SP100: variants seen among roughly 807,000 people sequenced by gnomAD.
SP100 encodes nuclear autoantigen Sp-100.
SP100 carries 84 observed loss-of-function variants against 130.0 expected under a neutral mutation model. The observed-to-expected ratio is 0.65, with a 90% CI of 0.54 to 0.77. The LOEUF (loss-of-function observed/expected upper bound fraction) is 0.77. Among genes scored for constraint, SP100 ranks in the 30% least tolerant of loss-of-function variants. The pLI, the probability that SP100 is intolerant of heterozygous loss-of-function variation, is 0.00. For missense variants in SP100, 978 were observed against 1,052.2 expected, an observed-to-expected ratio of 0.93 and a Z score of 0.97; for synonymous variants, 331 against 351.7, an observed-to-expected ratio of 0.94 and a Z score of 0.66.
At chr2:230,440,004 G>A (rs2063419931) in intron 2 of SP100, among the ~76,000 whole-genome samples, 1 of 152,016 alleles carries the variant, frequency 6.6e-6, no homozygotes, top group Admixed American at 6.6e-5. Flanking sequence ...TTTTCGAAAG[G>A]AAAGAAGGAA....
chr2:230,511,425 C>T (rs1164465482), intron 24 of SP100, among the ~76,000 whole-genome samples: 3 of 152,088 alleles, frequency 2.0e-5, no homozygotes, highest in Non-Finnish European at 2.9e-5. Context: ...TCTAGATCAC[C>T]GAGGCCTCCA....
At chr2:230,471,864 G>A (rs1484084098) in intron 15 of SP100, among the ~76,000 whole-genome samples, 1 of 152,160 alleles carries the variant, frequency 6.6e-6, no homozygotes, top group African/African-American at 2.4e-5. Context: ...AAATATTCCA[G>A]GTAGGGGAAT....
intron 2 of SP100, among the ~76,000 whole-genome samples, chr2:230,441,212 C>G (rs1421124979): frequency 6.6e-6 from 1 of 152,114 alleles, no homozygotes; most frequent in East Asian, 1.9e-4. Flanking sequence ...TGAAAATGTG[C>G]TTGACATCAT....
chr2:230,436,354 T>C (rs2063266446), intron 2 of SP100, among the ~76,000 whole-genome samples: 1 of 152,208 alleles, frequency 6.6e-6, no homozygotes, highest in Non-Finnish European at 1.5e-5. Flanking sequence ...AAATCTCATC[T>C]TGAATTGTAA....
chr2:230,416,987 T>G (rs1471856264), intron 1 of SP100: 4 of 570,198 alleles, frequency 7.0e-6, no homozygotes, highest in Non-Finnish European at 8.9e-6. Context: ...TCTCTAGTAG[T>G]GAGTTGAGAA....
intron 8 of SP100, among the ~76,000 whole-genome samples, chr2:230,457,035 C>T (rs2064309144): frequency 6.6e-6 from 1 of 152,212 alleles, no homozygotes; most frequent in Non-Finnish European, 1.5e-5. Context: ...AGAAACTATT[C>T]TAGTCTTTGC....
chr2:230,541,043 G>A, intron 26 of SP100, 47 bp downstream of exon 26: 2 of 1,578,962 alleles, frequency 1.3e-6, no homozygotes, highest in Non-Finnish European at 1.7e-6. Context: ...TGTTCACCTG[G>A]GCAGGAGAAG....
At chr2:230,510,215 T>C (rs1344166347) in intron 23 of SP100, 1 of 152,636 alleles carries the variant, frequency 6.6e-6, no homozygotes, top group Non-Finnish European at 1.5e-5. Flanking sequence ...ATTCCACAGA[T>C]ACCCTAGGTC....
chr2:230,487,787 T>C (rs2066184304), intron 17 of SP100, among the ~76,000 whole-genome samples: 1 of 152,238 alleles, frequency 6.6e-6, no homozygotes. Flanking sequence ...GTATGGCCAT[T>C]TTCATGATAT....
intron 3 of SP100, 150 bp downstream of exon 3, chr2:230,443,249 C>A: frequency 1.4e-6 from 1 of 699,522 alleles, no homozygotes; most frequent in Non-Finnish European, 2.4e-6. Context: ...TGTAAGTGCT[C>A]CTGTAAAGTA....
chr2:230,420,991 C>T (rs903022883), intron 2 of SP100, among the ~76,000 whole-genome samples: 1 of 152,178 alleles, frequency 6.6e-6, no homozygotes, highest in Non-Finnish European at 1.5e-5. Flanking sequence ...TTTTCATTCC[C>T]TGTCCATTCT....
rs2065197133 is a variant in SP100 at position 230,470,196 on chromosome 2, A to G, written c.1429+98A>G. The G allele has an allele frequency of 2.7e-6, 4 of 1,497,430 alleles. 1 individual carries two copies. Among genetic ancestry groups the G allele is most frequent in the Non-Finnish European group, 3.6e-6 (4 of 1,121,160 alleles). The allele number at this position is 1,497,430 out of a possible 1,614,324, so 92.8% of individuals were successfully genotyped here. On this transcript the variant is annotated intron_variant, in intron 15 of 28. Transcript: ENST00000340126. ...GACGCTTTTTATTCTGAGCACCTTCACTACCTTGTATCCAGTTCATCTGGG... is the reference window on the plus strand; with the variant it reads ...GACGCTTTTTATTCTGAGCACCTTCGCTACCTTGTATCCAGTTCATCTGGG...
rs759424331 is a variant in SP100, at chr2:230,539,307, G to C, written c.2135G>C (p.Gly712Ala). The change falls in exon 25 of 29, where the codon GGA becomes GCA. Residue 712 changes from glycine (G) to alanine (A), a missense_variant. Gly to Ala is a moderately conservative substitution (Grantham distance 60, BLOSUM62 0). Transcript: ENST00000340126. ...ATATGTGAGGTGTGCAACAAATGGG[G>C]ACGGCTGTTCTGCTGCGACACTTGT... ...SNICEVCNKW[G>A]RLFCCDTCPR... 6.2e-7 allele frequency: 1 copy of C among 1,614,006 alleles called. No individual in the cohort carries two copies. Among genetic ancestry groups the C allele is most frequent in the South Asian group, 1.1e-5 (1 of 91,078 alleles).
chr2:230,452,777 G>A (rs1271245034), intron 8 of SP100, among the ~76,000 whole-genome samples: 1 of 142,330 alleles, frequency 7.0e-6, no homozygotes, highest in Non-Finnish European at 1.5e-5. Flanking sequence ...TGTTGCGTTT[G>A]TATCCTGCCA....
chr2:230,427,193 AC>A (rs1222141704), intron 2 of SP100, among the ~76,000 whole-genome samples: 1 of 150,886 alleles, frequency 6.6e-6, no homozygotes, highest in African/African-American at 2.4e-5. Flanking sequence ...GCAGAGTCTC[AC>A]TCTGTCACCC....
chr2:230,529,343 T>C (rs1177788701), intron 24 of SP100, among the ~76,000 whole-genome samples: 1 of 152,170 alleles, frequency 6.6e-6, no homozygotes, highest in Non-Finnish European at 1.5e-5. Flanking sequence ...ATTATCTCAA[T>C]AGATGCAGAA....
At chr2:230,478,902 C>T (rs2065694516) in intron 17 of SP100, among the ~76,000 whole-genome samples, 2 of 152,096 alleles carry the variant, frequency 1.3e-5, no homozygotes, top group African/African-American at 4.8e-5. Context: ...CTCACTGCAA[C>T]TTCTGCCTCC....
At chr2:230,416,630 A>G in intron 1 of SP100, 1 of 612,684 alleles carries the variant, frequency 1.6e-6, no homozygotes, top group Non-Finnish European at 2.2e-6. Flanking sequence ...GGGATTAACT[A>G]TTTCCTCATG....
intron 24 of SP100, among the ~76,000 whole-genome samples, chr2:230,512,320 C>T (rs568608717): frequency 4.5e-4 from 52 of 116,726 alleles, no homozygotes; most frequent in South Asian, 1.2e-3. Flanking sequence ...GACGGAGTCT[C>T]GCTCCATTGC....
Sources: allele counts gnomAD v4.1 joint callset (sites outside exome capture counted in the v4.1 genomes callset), GRCh38; gene constraint gnomAD v4.1.1; transcripts MANE v1.5; gene names NCBI Gene and HGNC (gene_info 2026-07-23, HGNC 2026-07-21).